Variants in MEF2A observed in about 807,000 individuals in gnomAD.
MEF2A encodes the protein myocyte-specific enhancer factor 2A.
MEF2A carries 28 observed loss-of-function variants against 55.8 expected under a neutral mutation model. The ratio of observed to expected loss-of-function variants is 0.50; its 90% CI spans 0.37 to 0.69. The LOEUF is 0.69. Ranked by LOEUF, MEF2A falls within the 30% of genes least tolerant of loss-of-function variation. MEF2A has a pLI of 0.00. For missense variants in MEF2A, 528 were observed against 626.2 expected (o/e 0.84, Z 1.67); for synonymous variants, 239 against 227.1 (o/e 1.05, Z -0.47).
At chr15:99,629,205 C>T (rs551009026) in intron 2 of MEF2A, among the ~76,000 whole-genome samples, 16 of 152,144 alleles carry the variant, frequency 1.1e-4, no homozygotes, top group African/African-American at 2.6e-4. Context: ...GAGGCCGAGG[C>T]GGGTGGATCA....
At chr15:99,672,037 C>T (rs954276495) in intron 5 of MEF2A, among the ~76,000 whole-genome samples, 22 of 152,174 alleles carry the variant, frequency 1.4e-4, no homozygotes, top group Admixed American at 3.3e-4. Flanking sequence ...TTTCCCTCTA[C>T]TCCCATGACT....
At chr15:99,594,846 C>T (rs1596344851) in intron 1 of MEF2A, among the ~76,000 whole-genome samples, 1 of 152,158 alleles carries the variant, frequency 6.6e-6, no homozygotes, top group African/African-American at 2.4e-5. Flanking sequence ...ATGAAATTAT[C>T]AGTAATTGTA....
At chr15:99,648,760 C>T (rs1260757847) in intron 4 of MEF2A, among the ~76,000 whole-genome samples, 1 of 152,092 alleles carries the variant, frequency 6.6e-6, no homozygotes, top group Non-Finnish European at 1.5e-5. Context: ...TAGATGTGTT[C>T]CTCTTCTGTT....
intron 1 of MEF2A, among the ~76,000 whole-genome samples, chr15:99,567,627 C>CTG (rs370539645): frequency 0.35 from 50,211 of 143,566 alleles, 8,385 homozygotes; most frequent in Admixed American, 0.41. Flanking sequence ...TTTGTATGTA[C>CTG]TGTGTGTGTG....
intron 1 of MEF2A, among the ~76,000 whole-genome samples, chr15:99,577,978 A>G (rs1964823305): frequency 6.6e-6 from 1 of 152,176 alleles, no homozygotes; most frequent in Non-Finnish European, 1.5e-5. Flanking sequence ...TCTTATTACT[A>G]ATGACGTTAA....
chr15:99,667,518 C>T (rs185094387), intron 4 of MEF2A, among the ~76,000 whole-genome samples: 120 of 152,162 alleles, frequency 7.9e-4, no homozygotes, highest in African/African-American at 2.6e-3. Context: ...CCACCGCGCC[C>T]GGCCGTAACA....
chr15:99,584,396 A>G (rs1438533164), intron 1 of MEF2A, among the ~76,000 whole-genome samples: 1 of 152,232 alleles, frequency 6.6e-6, no homozygotes, highest in African/African-American at 2.4e-5. Context: ...TCATAGCAGC[A>G]TTAGTCATAA....
chr15:99,705,890 T>A (rs562243476), intron 9 of MEF2A, among the ~76,000 whole-genome samples: 1 of 152,360 alleles, frequency 6.6e-6, no homozygotes, highest in Non-Finnish European at 1.5e-5. Context: ...GTCTGTTGTG[T>A]TCCTCTGATC....
In MEF2A at chr15:99,605,209, A is replaced by C. The variant is rs530030492; in HGVS notation, c.-143+6698A>C. 3.3e-5 allele frequency among the ~76,000 whole-genome samples: 5 copies of C among 152,260 alleles called. No homozygotes were observed. In the South Asian group the frequency reaches 1.0e-3, roughly 32 times the overall value. On this transcript the variant is annotated intron_variant, in intron 2 of 11. Coordinates refer to ENST00000557942, the MANE Select transcript of MEF2A (RefSeq NM_001319206.4). ...GTGATCTGGCTGCTTCAGTCTCCCA[A>C]AGTGCTGGAATTATAGGTGTGAGCT...
chr15:99,653,985 T>C (rs12902359), intron 4 of MEF2A, among the ~76,000 whole-genome samples: 1 of 152,164 alleles, frequency 6.6e-6, no homozygotes, highest in Non-Finnish European at 1.5e-5. Flanking sequence ...CTAGTATTTG[T>C]AGAGGAATTC....
intron 2 of MEF2A, among the ~76,000 whole-genome samples, chr15:99,615,542 T>G (rs767542372): frequency 9.9e-5 from 15 of 152,180 alleles, no homozygotes; most frequent in Non-Finnish European, 1.6e-4. Context: ...GTTTATGAGC[T>G]TTATTATTAG....
intron 2 of MEF2A, among the ~76,000 whole-genome samples, chr15:99,619,132 G>T (rs1043203268): frequency 3.3e-5 from 5 of 152,144 alleles, no homozygotes; most frequent in Admixed American, 6.5e-5. Context: ...TGTCTCTAGG[G>T]TTTATAGTCA....
intron 10 of MEF2A, among the ~76,000 whole-genome samples, chr15:99,708,916 T>TTAG (rs1351662622): frequency 3.7e-4 from 57 of 152,180 alleles, no homozygotes; most frequent in Admixed American, 3.7e-3. Context: ...GCGTGGGTGG[T>TTAG]TAGAATTGAG....
chr15:99,610,297 A>G (rs945382280), intron 2 of MEF2A, among the ~76,000 whole-genome samples: 3 of 152,062 alleles, frequency 2.0e-5, no homozygotes, highest in Admixed American at 6.5e-5. Context: ...AAATAAATGC[A>G]AAGACGGTAC....
chr15:99,583,363 C>T (rs1966490669), intron 1 of MEF2A, among the ~76,000 whole-genome samples: 1 of 152,044 alleles, frequency 6.6e-6, no homozygotes, highest in Admixed American at 6.6e-5. Context: ...TGGTTAAAAG[C>T]CTTATTAATA....
chr15:99,688,711 C>T (rs191241209), intron 7 of MEF2A, among the ~76,000 whole-genome samples: 5 of 152,108 alleles, frequency 3.3e-5, no homozygotes, highest in African/African-American at 1.2e-4. Flanking sequence ...GAGCCGAGAT[C>T]GCGCTGCTGC....
rs1340111609 is a variant in MEF2A, at chr15:99,710,628, T to A, written c.1010-6T>A. 1 of 1,607,198 alleles carries A rather than the reference T, an allele frequency of 6.2e-7. No homozygotes were observed. ...ATATGCAGAGCCCTCTTGTCTTCCT[T>A]TGTAGATTATTCACTGACCAGCGCT... On this transcript the variant is annotated splice_region_variant and splice_polypyrimidine_tract_variant and intron_variant, in intron 10 of 11. Coordinates refer to ENST00000557942, the MANE Select transcript of MEF2A (RefSeq NM_001319206.4).
At chr15:99,685,990 C>T (rs1024037804) in intron 7 of MEF2A, among the ~76,000 whole-genome samples, 1 of 152,022 alleles carries the variant, frequency 6.6e-6, no homozygotes, top group African/African-American at 2.4e-5. Flanking sequence ...AGTCTCGCTG[C>T]TTGTTATTGG....
intron 7 of MEF2A, among the ~76,000 whole-genome samples, chr15:99,686,360 G>GTT (rs987236457): frequency 3.9e-5 from 6 of 152,140 alleles, no homozygotes; most frequent in African/African-American, 1.4e-4. Context: ...GTATTTTCAG[G>GTT]TTTTGTTTCA....
Sources: allele counts gnomAD v4.1 joint callset (sites outside exome capture counted in the v4.1 genomes callset), GRCh38; gene constraint gnomAD v4.1.1; transcripts MANE v1.5; gene names NCBI Gene and HGNC (gene_info 2026-07-23, HGNC 2026-07-21).